Variants in TRRAP observed in about 807,000 individuals in gnomAD.
TRRAP encodes the protein transformation/transcription domain associated protein.
In TRRAP, 41 loss-of-function variants were observed where a neutral mutation model predicts 438.8. The ratio of observed to expected loss-of-function variants is 0.09; its 90% CI spans 0.07 to 0.12. TRRAP has a LOEUF of 0.12. Ranked by LOEUF, TRRAP falls within the 10% of genes least tolerant of loss-of-function variation. The pLI is 1.00. For missense variants in TRRAP, 3,122 were observed against 5,055.1 expected (o/e 0.62, Z 11.60); for synonymous variants, 1,994 against 1,962.9 (o/e 1.02, Z -0.42).
intron 67 of TRRAP, chr7:98,999,495 C>G: frequency 9.2e-6 from 7 of 760,180 alleles, no homozygotes; most frequent in Non-Finnish European, 1.7e-5. Flanking sequence ...TTATCGTGAG[C>G]TCAGAGGGAG....
Position 98,956,767 on chromosome 7 carries a change from A to G in TRRAP, c.6231+234A>G, listed in dbSNP as rs1430114817. ...TCATACCATTAAAGTTCTGTTGATGATGGTTGATTACTTGCAGAAAGGCAT... is the reference window on the plus strand; with the variant it reads ...TCATACCATTAAAGTTCTGTTGATGGTGGTTGATTACTTGCAGAAAGGCAT... On this transcript the variant is annotated intron_variant, in intron 43 of 72. Coordinates refer to ENST00000456197, the MANE Select transcript of TRRAP (RefSeq NM_001375524.1). This position sits in a 1 kb window ranked among gnomAD's most constrained non-coding sequence, Gnocchi z 4.5. Among the ~76,000 whole-genome samples, 2 of 152,180 alleles carry G rather than the reference A, an allele frequency of 1.3e-5. No homozygotes were observed. The highest frequency in any genetic ancestry group is 2.9e-5 in the Non-Finnish European group (2 of 68,004).
rs782272680 is a variant in TRRAP, at chr7:98,956,336, C to T, written c.6096+32C>T. ...GTGTCAGCCTCAGGGGTGCCCCGAT[C>T]GTCTTCCTTTGACTTCTCCCTAGAA... On this transcript the variant is annotated intron_variant, in intron 42 of 72. Transcript: ENST00000456197. This position sits in a 1 kb window ranked among gnomAD's most constrained non-coding sequence, Gnocchi z 4.5. 29 of 1,613,284 alleles carry T rather than the reference C, an allele frequency of 1.8e-5. No homozygotes were observed. The highest frequency in any genetic ancestry group is 1.3e-4 in the South Asian group (12 of 91,046).
rs776296294 is a variant in TRRAP, at chr7:98,976,799, C to T, written c.8247+29C>T. ...AGGGTGCGCCTCAGTTTGTTAATTA[C>T]CTCTTCCCTGCCAGTGACTTCACAC... On this transcript the variant is annotated intron_variant, in intron 55 of 72. Coordinates refer to ENST00000456197, the MANE Select transcript of TRRAP (RefSeq NM_001375524.1). The surrounding 1 kb of genome is among the most constrained non-coding windows in gnomAD (Gnocchi z 4.6). 1.7e-5 allele frequency: 28 copies of T among 1,607,042 alleles called. No individual in the cohort carries two copies. In the African/African-American group the frequency reaches 3.1e-4, roughly 18 times the overall value.
intron 11 of TRRAP, 125 bp from the exon 12 acceptor site, chr7:98,903,254 T>G: frequency 4.9e-6 from 6 of 1,213,630 alleles, no homozygotes; most frequent in Non-Finnish European, 6.9e-6. Flanking sequence ...TCTCCTGACC[T>G]CATGTGACCC....
chr7:98,961,588 C>A, intron 46 of TRRAP, 114 bp downstream of exon 46: 1 of 1,285,814 alleles, frequency 7.8e-7, no homozygotes. Flanking sequence ...TATCACTTTC[C>A]TTTCTACTTG....
rs143192773 is a variant in TRRAP, at chr7:98,962,454, G to A, written c.6829+27G>A. On this transcript the variant is annotated intron_variant, in intron 47 of 72. Coordinates refer to ENST00000456197, the MANE Select transcript of TRRAP (RefSeq NM_001375524.1). ...TGAGTGTGTGTCTGTCCTGGTGTTC[G>A]TGGTGGCTCAGTTTGGCCTCTTTCC... 534 of 1,613,562 alleles carry A rather than the reference G, an allele frequency of 3.3e-4. No individual in the cohort carries two copies. The African/African-American group carries it at 4.2e-3, about 13-fold the overall frequency.
chr7:98,945,223 T>C (rs1475291293), intron 31 of TRRAP, among the ~76,000 whole-genome samples: 3 of 152,222 alleles, frequency 2.0e-5, no homozygotes, highest in African/African-American at 7.2e-5. Flanking sequence ...GTTATGTGTA[T>C]GCACACATAC....
chr7:98,975,770 C>T lies in TRRAP; in HGVS notation c.7840-379C>T, dbSNP rs529179295. On this transcript the variant is annotated intron_variant, in intron 53 of 72. Transcript: ENST00000456197. ...TGTCATATACGTGTGTTTTCACTTT[C>T]CTATTTTCAGTGGCCTGGGCCTCGG... Among the ~76,000 whole-genome samples the T allele has an allele frequency of 1.2e-4, 19 of 152,332 alleles. No homozygotes were observed. In the South Asian group the frequency reaches 3.7e-3, roughly 30 times the overall value.
intron 27 of TRRAP, 33 bp from the exon 28 acceptor site, chr7:98,935,546 G>A (rs782084745): frequency 6.3e-7 from 1 of 1,575,332 alleles, no homozygotes; most frequent in Non-Finnish European, 8.7e-7. Flanking sequence ...CACAGGAAGA[G>A]TGGGCTAAAT....
At chr7:98,983,870 C>G (rs1391313949) in intron 60 of TRRAP, among the ~76,000 whole-genome samples, 1 of 152,128 alleles carries the variant, frequency 6.6e-6, no homozygotes, top group African/African-American at 2.4e-5. Context: ...CAGCCTTTGT[C>G]ATTTTATGAT....
At chr7:98,924,686 C>G (rs1554411186) in intron 21 of TRRAP, among the ~76,000 whole-genome samples, 4 of 46,314 alleles carry the variant, frequency 8.6e-5, no homozygotes, top group Non-Finnish European at 1.6e-4. Context: ...AAGACTCCGT[C>G]TCAAAAAAAA....
rs1221527810 is a variant in TRRAP, at chr7:98,948,418, A to G, written c.4668+78A>G. 6.2e-7 allele frequency: 1 copy of G among 1,610,208 alleles called. No homozygotes were observed. The highest frequency in any genetic ancestry group is 8.5e-7 in the Non-Finnish European group (1 of 1,177,886). On this transcript the variant is annotated intron_variant, in intron 34 of 72. Transcript: ENST00000456197. The surrounding 1 kb of genome is among the most constrained non-coding windows in gnomAD (Gnocchi z 4.9). ...AGCGTCCTCACTTGATCGTATTTTC[A>G]ATGGACGGAACAGCATAAAGACGTT...
At position 98,984,304 on chromosome 7, in the gene TRRAP, A is replaced by G. The variant is rs779876246; in HGVS notation, c.9234A>G (p.Gln3078=). 6.2e-6 allele frequency: 10 copies of G among 1,607,160 alleles called. No homozygotes were observed. The highest frequency in any genetic ancestry group is 8.5e-6 in the Non-Finnish European group (10 of 1,175,812). ...ATTGCTTCCAGAAGATTCGACAGCA[A>G]GTTAAATGCTACCTCCAGCTGGCAG... ...IVDCFQKIRQ[Q]VKCYLQLAGV... is the part of the protein sequence containing the mutation. Residue 3078 remains glutamine (Q), a synonymous_variant, in exon 61 of 73, where the codon CAA becomes CAG. Transcript: ENST00000456197.
At chr7:98,903,284 A>C in intron 11 of TRRAP, 95 bp from the exon 12 acceptor site, 1 of 1,516,860 alleles carries the variant, frequency 6.6e-7, no homozygotes, top group Non-Finnish European at 8.9e-7. Flanking sequence ...GGCCTCCCAA[A>C]GGTCTTACTG....
Position 98,903,384 on chromosome 7 carries a change from G to A in TRRAP, c.903G>A (p.Leu301=). 6.2e-7 allele frequency: 1 copy of A among 1,614,140 alleles called. No individual in the cohort carries two copies. The highest frequency in any genetic ancestry group is 1.1e-5 in the South Asian group (1 of 91,072). Residue 301 remains leucine (L), a synonymous_variant, in exon 12 of 73, where the codon TTG becomes TTA. Coordinates refer to ENST00000456197, the MANE Select transcript of TRRAP (RefSeq NM_001375524.1). The part of the protein sequence containing the change: ...LAYIIRIYQE[L]VTKYSQQMVK... ...ATCTCACTCTGTTCTTACAGGAGTT[G>A]GTGACTAAGTATTCTCAGCAGATGG...
intron 67 of TRRAP, among the ~76,000 whole-genome samples, 167 bp downstream of exon 67, chr7:98,995,015 A>G (rs531784303): frequency 6.6e-6 from 1 of 152,310 alleles, no homozygotes; most frequent in Admixed American, 6.5e-5. Context: ...CTGAGACCAC[A>G]TGTTTTTCTC....
Position 99,005,131 on chromosome 7 carries a change from G to C in TRRAP, c.10536G>C (p.Arg3512=). The change falls in exon 69 of 73, where the codon CGG becomes CGC. Residue 3512 remains arginine (R), a splice_region_variant and synonymous_variant. Transcript: ENST00000456197. This position sits in a 1 kb window ranked among gnomAD's most constrained non-coding sequence, Gnocchi z 5.1. ...KPTHYYIKIA[R]FMPRVEIVQK... is the part of the protein sequence containing the mutation. ...TCCTCATGGCTTCTCGCTCTGGCAG[G>C]TTCATGCCCCGGGTAGAGATTGTGC... is the stretch of plus-strand genomic sequence containing the variant. The C allele has an allele frequency of 2.5e-6, 4 of 1,613,320 alleles. No homozygotes were observed. Among genetic ancestry groups the C allele is most frequent in the Non-Finnish European group, 3.4e-6 (4 of 1,179,918 alleles).
Position 98,955,157 on chromosome 7 carries a change from G to A in TRRAP, c.5790G>A (p.Ala1930=), listed in dbSNP as rs138921500. Residue 1930 remains alanine (A), a synonymous_variant, in exon 41 of 73, where the codon GCG becomes GCA. Transcript: ENST00000456197. The part of the protein sequence containing the change: ...AMEARAIVRQ[A]MAILTPAVPA... ...AAGCTCGAGCGATCGTCAGACAGGC[G>A]ATGGCCATTCTGACCCCGGCGGTGC... 6.7e-5 allele frequency: 108 copies of A among 1,614,086 alleles called. No individual in the cohort carries two copies. The highest frequency in any genetic ancestry group is 7.4e-5 in the Non-Finnish European group (87 of 1,180,048).
intron 30 of TRRAP, among the ~76,000 whole-genome samples, chr7:98,938,734 A>G (rs1156685834): frequency 2.0e-5 from 3 of 152,224 alleles, no homozygotes; most frequent in African/African-American, 7.2e-5. Context: ...CCTTTTCATT[A>G]TATACCATGA....
Sources: allele counts gnomAD v4.1 joint callset (sites outside exome capture counted in the v4.1 genomes callset), GRCh38; gene constraint gnomAD v4.1.1; non-coding constraint Gnocchi (gnomAD v3.1); transcripts MANE v1.5; gene names NCBI Gene and HGNC (gene_info 2026-07-23, HGNC 2026-07-21).